The following METTL15 variants were observed in gnomAD, a reference collection of about 807,000 sequenced individuals.
METTL15 encodes methyltransferase 15, mitochondrial 12S rRNA N4-cytidine.
In METTL15, 34 loss-of-function variants were observed where a neutral mutation model predicts 38.3. The observed-to-expected ratio is 0.89, with a 90% confidence interval of 0.68 to 1.18. METTL15 has a LOEUF of 1.18. Ranked by LOEUF, METTL15 falls within the 50% of genes most tolerant of loss-of-function variation. The probability of loss-of-function intolerance (pLI) is 0.00; values close to 1 mark genes in which losing one functional copy is unlikely to be tolerated. For synonymous variants in METTL15, 162 were observed against 170.9 expected, an observed-to-expected ratio of 0.95 and a Z score of 0.41; for missense variants, 438 against 498.4, an observed-to-expected ratio of 0.88 and a Z score of 1.15.
At chr11:28,393,483 G>T (rs570640952) in intron 5 of METTL15, among the ~76,000 whole-genome samples, 64 of 152,198 alleles carry the variant, frequency 4.2e-4, no homozygotes, top group Middle Eastern at 3.4e-3. Flanking sequence ...TGGTGTTGAT[G>T]TTAGATGCCA....
chr11:28,452,724 T>C (rs1327383233), intron 6 of METTL15, among the ~76,000 whole-genome samples: 2 of 152,212 alleles, frequency 1.3e-5, no homozygotes, highest in African/African-American at 4.8e-5. Context: ...ATAGTTCATA[T>C]TGTTGAGCCT....
At chr11:28,445,002 G>A (rs1219940131) in intron 6 of METTL15, among the ~76,000 whole-genome samples, 1 of 152,134 alleles carries the variant, frequency 6.6e-6, no homozygotes, top group Non-Finnish European at 1.5e-5. Flanking sequence ...GGTCCTGAGA[G>A]GATGGGGTTA....
intron 5 of METTL15, among the ~76,000 whole-genome samples, chr11:28,363,785 AG>A (rs1431510617): frequency 7.9e-5 from 12 of 152,204 alleles, no homozygotes; most frequent in African/African-American, 2.9e-4. Context: ...TATATTTCCT[AG>A]GTTTTCTTCT....
intron 6 of METTL15, among the ~76,000 whole-genome samples, chr11:28,525,405 G>A (rs768509487): frequency 2.9e-4 from 44 of 152,098 alleles, no homozygotes; most frequent in African/African-American, 1.0e-3. Context: ...GATACACAGT[G>A]CTAATTGATG....
chr11:28,205,693 C>A (rs1436089392), intron 3 of METTL15, among the ~76,000 whole-genome samples: 24 of 150,168 alleles, frequency 1.6e-4, no homozygotes, highest in African/African-American at 4.7e-4. Flanking sequence ...CTGACTTCCA[C>A]AATGGTTGAA....
chr11:28,472,622 A>G (rs747766154), intron 6 of METTL15, among the ~76,000 whole-genome samples: 1 of 152,192 alleles, frequency 6.6e-6, no homozygotes, highest in Non-Finnish European at 1.5e-5. Flanking sequence ...GCCTGTAATG[A>G]TAATAATAAA....
In METTL15 at chr11:28,294,566, A is replaced by G. The variant is rs1019162269; in HGVS notation, c.600-2187A>G. On this transcript the variant is annotated intron_variant, in intron 5 of 6. Transcript: ENST00000407364. ...CATAGCTTCAAGAATTTGAGAGTCT[A>G]GTTCTGTTGGCAGTTATAGTCTTCA... Among the ~76,000 whole-genome samples the G allele has an allele frequency of 3.3e-5, 5 of 152,186 alleles. No individual in the cohort carries two copies. The East Asian group carries it at 9.7e-4, about 29-fold the overall frequency.
At chr11:28,272,648 C>T (rs1353626078) in intron 4 of METTL15, among the ~76,000 whole-genome samples, 1 of 152,126 alleles carries the variant, frequency 6.6e-6, no homozygotes, top group Non-Finnish European at 1.5e-5. Flanking sequence ...AGCAAACCAC[C>T]ATGGCACGTG....
At chr11:28,152,738 A>G (rs1030805151) in intron 3 of METTL15, among the ~76,000 whole-genome samples, 6 of 151,908 alleles carry the variant, frequency 3.9e-5, no homozygotes, top group African/African-American at 1.4e-4. Flanking sequence ...CCAGAACTCA[A>G]GAGAGGGTTC....
At chr11:28,464,357 A>G (rs760043373) in intron 6 of METTL15, among the ~76,000 whole-genome samples, 1 of 152,222 alleles carries the variant, frequency 6.6e-6, no homozygotes, top group African/African-American at 2.4e-5. Context: ...TGTGGGCCAT[A>G]CAGTCTCTGT....
intron 6 of METTL15, among the ~76,000 whole-genome samples, chr11:28,315,112 A>G (rs904846913): frequency 7.2e-5 from 11 of 152,376 alleles, no homozygotes; most frequent in East Asian, 1.9e-4. Flanking sequence ...TGTGGAAGCA[A>G]CTTTGGAACT....
At chr11:28,316,342 A>T (rs1435003375) in intron 6 of METTL15, among the ~76,000 whole-genome samples, 1 of 152,164 alleles carries the variant, frequency 6.6e-6, no homozygotes, top group Non-Finnish European at 1.5e-5. Flanking sequence ...TCGGATTTTC[A>T]TGGGGCCTGT....
At chr11:28,335,543 C>T (rs1421185190), downstream of METTL15, among the ~76,000 whole-genome samples, 1 of 152,146 alleles carries the variant, frequency 6.6e-6, no homozygotes, top group Non-Finnish European at 1.5e-5. Context: ...TATTTGACCC[C>T]TCCAAATCTC....
intron 6 of METTL15, among the ~76,000 whole-genome samples, chr11:28,453,673 T>C (rs1590380092): frequency 1.3e-5 from 2 of 152,210 alleles, no homozygotes; most frequent in African/African-American, 2.4e-5. Flanking sequence ...ACTAGGAAAA[T>C]AACCACAAGA....
chr11:28,477,863 T>C (rs1851360418), intron 6 of METTL15, among the ~76,000 whole-genome samples: 2 of 152,208 alleles, frequency 1.3e-5, no homozygotes, highest in South Asian at 4.1e-4. Context: ...CTGTATGGTA[T>C]TTTTTGAGCA....
intron 6 of METTL15, among the ~76,000 whole-genome samples, chr11:28,324,303 A>T (rs1229118254): frequency 6.6e-6 from 1 of 152,222 alleles, no homozygotes; most frequent in Non-Finnish European, 1.5e-5. Flanking sequence ...GGATTTTTAA[A>T]ACTTAAATTT....
At chr11:28,146,535 T>G (rs1311863234) in intron 3 of METTL15, among the ~76,000 whole-genome samples, 2 of 152,054 alleles carry the variant, frequency 1.3e-5, no homozygotes, top group Non-Finnish European at 2.9e-5. Context: ...TGAATAGACC[T>G]GTAGTTACCA....
chr11:28,303,954 A>C (rs1276551728), intron 6 of METTL15, among the ~76,000 whole-genome samples: 2 of 152,152 alleles, frequency 1.3e-5, no homozygotes, highest in Admixed American at 6.5e-5. Flanking sequence ...GAGTAAGTTC[A>C]CTTATCTTCT....
chr11:28,296,782 T>C lies in METTL15; in HGVS notation c.629T>C (p.Val210Ala), dbSNP rs146557642. Reference protein sequence around the residue: ...RYPDMPTAADVVNALDQQALA... With the variant: ...RYPDMPTAADAVNALDQQALA... ...CCTGACATGCCCACTGCTGCTGATGTTGTGAATGCTTTAGATCAACAGGCA... is the reference window on the plus strand; with the variant it reads ...CCTGACATGCCCACTGCTGCTGATGCTGTGAATGCTTTAGATCAACAGGCA... Residue 210 changes from valine to alanine, a missense_variant, in exon 6 of 7, where the codon GTT (valine) becomes GCT (alanine). Physicochemically the swap from Val to Ala is moderately conservative, Grantham distance 64. Transcript: ENST00000407364. 6.8e-6 allele frequency: 11 copies of C among 1,613,280 alleles called. No homozygotes were observed. The highest frequency in any genetic ancestry group is 4.0e-5 in the African/African-American group (3 of 74,826).
Sources: allele counts gnomAD v4.1 joint callset (sites outside exome capture counted in the v4.1 genomes callset), GRCh38; gene constraint gnomAD v4.1.1; transcripts MANE v1.5; gene names NCBI Gene and HGNC (gene_info 2026-07-23, HGNC 2026-07-21).